NCAM1: variants seen among roughly 807,000 people sequenced by gnomAD.
NCAM1 encodes the protein neural cell adhesion molecule 1, also known as antigen recognized by monoclonal antibody 5.1H11.
In NCAM1, 14 loss-of-function variants were observed where a neutral mutation model predicts 109.8. The ratio of observed to expected loss-of-function variants is 0.13; its 90% CI spans 0.08 to 0.20. The LOEUF is 0.20. NCAM1 is among the 10% of genes least tolerant of loss of function. The probability of loss-of-function intolerance (pLI) is 1.00; values close to 1 mark genes in which losing one functional copy is unlikely to be tolerated. For synonymous variants in NCAM1, 418 were observed against 442.9 expected, an observed-to-expected ratio of 0.94 and a Z score of 0.70; for missense variants, 774 against 1,109.9, an observed-to-expected ratio of 0.70 and a Z score of 4.30.
intron 1 of NCAM1, among the ~76,000 whole-genome samples, chr11:112,992,122 G>A (rs577094026): frequency 1.3e-5 from 2 of 152,184 alleles, no homozygotes; most frequent in African/African-American, 4.8e-5. Context: ...TATTCTTGTG[G>A]GACAACTGCT....
At chr11:113,205,211 C>G (rs554272651) in intron 3 of NCAM1, among the ~76,000 whole-genome samples, 13 of 152,280 alleles carry the variant, frequency 8.5e-5, no homozygotes, top group African/African-American at 2.6e-4. Flanking sequence ...TACCTATAAC[C>G]TGTGCTTCAC....
chr11:112,966,072 A>T lies in NCAM1; in HGVS notation c.52+4408A>T, dbSNP rs555494488. Reference sequence around the variant, plus strand: ...GTGTCAAGATAAATATTTTAATGTAAATTCCATAATTGATCATTTTTCAGT... The same window carrying T: ...GTGTCAAGATAAATATTTTAATGTATATTCCATAATTGATCATTTTTCAGT... On this transcript the variant is annotated intron_variant, in intron 1 of 19. Coordinates refer to ENST00000316851, the MANE Select transcript of NCAM1 (RefSeq NM_181351.5). Among the ~76,000 whole-genome samples the T allele has an allele frequency of 5.3e-5, 8 of 152,310 alleles. No individual in the cohort carries two copies. In the South Asian group the frequency reaches 1.7e-3, roughly 32 times the overall value.
At chr11:113,180,996 A>G (rs979689829) in intron 1 of NCAM1, among the ~76,000 whole-genome samples, 3 of 152,222 alleles carry the variant, frequency 2.0e-5, no homozygotes, top group East Asian at 1.9e-4. Flanking sequence ...GACCTCATTC[A>G]TATTGCAGTT....
In NCAM1 at chr11:113,136,449, A is replaced by C. The variant is rs917381978; in HGVS notation, c.53-65930A>C. On this transcript the variant is annotated intron_variant, in intron 1 of 19. Coordinates refer to ENST00000316851, the MANE Select transcript of NCAM1 (RefSeq NM_181351.5). ...CTCTCCTTCGCATGGTGCAGGAGCAAGGCCCCCCAGTGAGACAGGGCTGGG... is the reference window on the plus strand; with the variant it reads ...CTCTCCTTCGCATGGTGCAGGAGCACGGCCCCCCAGTGAGACAGGGCTGGG... Among the ~76,000 whole-genome samples the C allele has an allele frequency of 2.9e-4, 44 of 152,158 alleles. 1 individual carries two copies. The highest frequency in any genetic ancestry group is 2.8e-3 in the Admixed American group (43 of 15,278).
At chr11:113,173,588 CCTGA>C (rs1943054670) in intron 1 of NCAM1, among the ~76,000 whole-genome samples, 1 of 32,308 alleles carries the variant, frequency 3.1e-5, no homozygotes, top group East Asian at 7.7e-4. Context: ...TAGCATGTTA[CCTGA>C]TATATATATA....
At chr11:112,970,363 A>T (rs923617250) in intron 1 of NCAM1, among the ~76,000 whole-genome samples, 2 of 152,162 alleles carry the variant, frequency 1.3e-5, no homozygotes, top group Non-Finnish European at 2.9e-5. Flanking sequence ...AGCATCCACT[A>T]TGGTGGTCGG....
intron 1 of NCAM1, among the ~76,000 whole-genome samples, chr11:113,054,740 AT>A (rs200744368): frequency 1.3e-5 from 2 of 150,838 alleles, no homozygotes; most frequent in South Asian, 2.1e-4. Flanking sequence ...GTCAGAAGTC[AT>A]TTTTTTTTCT....
rs141678228 is a variant in NCAM1, at chr11:113,221,785, A to G, written c.1089+460A>G. On this transcript the variant is annotated intron_variant, in intron 9 of 19. Coordinates refer to ENST00000316851, the MANE Select transcript of NCAM1 (RefSeq NM_181351.5). The stretch of plus-strand genomic sequence containing the variant: ...TTATTTTATAATGATCAGTCTTGGT[A>G]AATTATCACATCACGTTTCATCTCA... The G allele has an allele frequency of 4.0e-3, 619 of 156,498 alleles. 1 individual carries two copies. The highest frequency in any genetic ancestry group is 0.019 in the Middle Eastern group (6 of 310). The allele number at this position is 156,498 out of a possible 1,614,324, so 9.7% of individuals were successfully genotyped here.
Position 113,012,506 on chromosome 11 carries a change from C to G in NCAM1, c.52+50842C>G, listed in dbSNP as rs370074579. ...GACCTTCAAAAAACAGAAATACATTCTCTTATAGCATCTGGGGCCAGCAGT... is the reference window on the plus strand; with the variant it reads ...GACCTTCAAAAAACAGAAATACATTGTCTTATAGCATCTGGGGCCAGCAGT... On this transcript the variant is annotated intron_variant, in intron 1 of 19. Coordinates refer to ENST00000316851, the MANE Select transcript of NCAM1 (RefSeq NM_181351.5). Among the ~76,000 whole-genome samples the G allele has an allele frequency of 1.5e-4, 23 of 152,222 alleles. No individual in the cohort carries two copies. In the East Asian group the frequency reaches 3.3e-3, roughly 22 times the overall value.
At chr11:113,076,338 C>A (rs1176058448) in intron 1 of NCAM1, among the ~76,000 whole-genome samples, 6 of 152,210 alleles carry the variant, frequency 3.9e-5, no homozygotes, top group African/African-American at 1.4e-4. Flanking sequence ...TTCTGGGTTC[C>A]AGTTTTCACT....
chr11:113,038,634 G>C (rs1952970444), intron 1 of NCAM1, among the ~76,000 whole-genome samples: 1 of 152,238 alleles, frequency 6.6e-6, no homozygotes, highest in Non-Finnish European at 1.5e-5. Context: ...ACATGACAGA[G>C]AGACGGTGCT....
chr11:113,265,742 A>G (rs1555124321), intron 17 of NCAM1, among the ~76,000 whole-genome samples: 1 of 152,202 alleles, frequency 6.6e-6, no homozygotes, highest in Non-Finnish European at 1.5e-5. Flanking sequence ...CCAGCTCAAC[A>G]GTTCCAAGAG....
rs782564057 is a variant in NCAM1 at position 113,232,364 on chromosome 11, G to A, written c.1425+10G>A. The A allele has an allele frequency of 6.2e-7, 1 of 1,601,882 alleles. No individual in the cohort carries two copies. The highest frequency in any genetic ancestry group is 1.1e-5 in the South Asian group (1 of 88,270). On this transcript the variant is annotated intron_variant, in intron 11 of 19. Transcript: ENST00000316851. ...TGCCAGCTATCTGGAGGTGAGTCAG[G>A]ATGGGGGTGGGACAGAGCAGAGAAA... is the stretch of plus-strand genomic sequence containing the variant.
chr11:113,270,884 T>C (rs1364026837), intron 18 of NCAM1, among the ~76,000 whole-genome samples: 19 of 152,200 alleles, frequency 1.2e-4, no homozygotes, highest in African/African-American at 4.3e-4. Context: ...CTTATGGAGC[T>C]GATGATCCAG....
At chr11:113,107,514 A>G (rs1308956024) in intron 1 of NCAM1, among the ~76,000 whole-genome samples, 1 of 152,170 alleles carries the variant, frequency 6.6e-6, no homozygotes, top group African/African-American at 2.4e-5. Context: ...AAAAGATTTA[A>G]CGGAGTCACA....
At chr11:112,989,278 A>G (rs1180718521) in intron 1 of NCAM1, among the ~76,000 whole-genome samples, 1 of 151,976 alleles carries the variant, frequency 6.6e-6, no homozygotes, top group East Asian at 1.9e-4. Flanking sequence ...TAGGCCCCTT[A>G]TCCTTTCTTC....
Position 113,256,050 on chromosome 11 carries a change from C to T in NCAM1, c.1953+49C>T, listed in dbSNP as rs1555122263. On this transcript the variant is annotated intron_variant, in intron 16 of 19. Transcript: ENST00000316851. ...TCACCAGAACCCTGCAACCCTGGCACCCAGCTTGCTAGGGAAACAACAGGG... is the reference window on the plus strand; with the variant it reads ...TCACCAGAACCCTGCAACCCTGGCATCCAGCTTGCTAGGGAAACAACAGGG... The T allele has an allele frequency of 2.6e-6, 4 of 1,561,302 alleles. No homozygotes were observed. The East Asian group carries it at 7.2e-5, about 28-fold the overall frequency.
intron 1 of NCAM1, among the ~76,000 whole-genome samples, chr11:113,186,937 G>A (rs1347370548): frequency 6.6e-6 from 1 of 152,252 alleles, no homozygotes; most frequent in Non-Finnish European, 1.5e-5. Flanking sequence ...GGGGACATGA[G>A]TGACACTCAC....
chr11:113,143,560 A>G (rs1555100845), intron 1 of NCAM1, among the ~76,000 whole-genome samples: 1 of 152,248 alleles, frequency 6.6e-6, no homozygotes, highest in African/African-American at 2.4e-5. Context: ...TCATAAGCAA[A>G]TAATGCATCA....
Sources: allele counts gnomAD v4.1 joint callset (sites outside exome capture counted in the v4.1 genomes callset), GRCh38; gene constraint gnomAD v4.1.1; transcripts MANE v1.5; gene names NCBI Gene and HGNC (gene_info 2026-07-23, HGNC 2026-07-21).